Variants in KCNH7 observed in about 807,000 individuals in gnomAD.
KCNH7 encodes potassium voltage-gated channel subfamily H member 7.
KCNH7 carries 49 observed loss-of-function variants against 120.8 expected under a neutral mutation model. The ratio of observed to expected loss-of-function variants is 0.41; its 90% CI spans 0.32 to 0.51. KCNH7 has a LOEUF of 0.51. Ranked by LOEUF, KCNH7 falls within the 20% of genes least tolerant of loss-of-function variation. The pLI is 0.38. For missense variants in KCNH7, 1,097 were observed against 1,446.6 expected, an observed-to-expected ratio of 0.76 and a Z score of 3.92; for synonymous variants, 547 against 516.1, an observed-to-expected ratio of 1.06 and a Z score of -0.81.
chr2:162,701,547 A>G (rs1686499120), intron 2 of KCNH7, among the ~76,000 whole-genome samples: 1 of 152,186 alleles, frequency 6.6e-6, no homozygotes, highest in Non-Finnish European at 1.5e-5. Context: ...AAGGGAACAG[A>G]TATGACAGAA....
chr2:162,663,902 T>C (rs1178108576), intron 2 of KCNH7, among the ~76,000 whole-genome samples: 1 of 152,184 alleles, frequency 6.6e-6, no homozygotes, highest in Non-Finnish European at 1.5e-5. Flanking sequence ...TAAGAATCAC[T>C]GCCTTACTGC....
intron 2 of KCNH7, among the ~76,000 whole-genome samples, chr2:162,605,188 T>C (rs1283307117): frequency 2.6e-5 from 4 of 152,074 alleles, no homozygotes; most frequent in African/African-American, 7.2e-5. Context: ...TTAAGACAGA[T>C]TGAAAGTGTG....
intron 2 of KCNH7, among the ~76,000 whole-genome samples, chr2:162,752,232 G>A (rs1486076451): frequency 6.6e-6 from 1 of 151,956 alleles, no homozygotes; most frequent in Non-Finnish European, 1.5e-5. Flanking sequence ...TGGTTCAGTG[G>A]GTCCATTAAT....
At chr2:162,558,503 C>CCTTT (rs1553493184) in intron 2 of KCNH7, among the ~76,000 whole-genome samples, 2 of 80,696 alleles carry the variant, frequency 2.5e-5, no homozygotes, top group African/African-American at 9.7e-5. Context: ...TTCTCAATGG[C>CCTTT]TTTTTTTTTT....
chr2:162,563,267 A>C (rs1022448372), intron 2 of KCNH7, among the ~76,000 whole-genome samples: 1 of 152,140 alleles, frequency 6.6e-6, no homozygotes, highest in African/African-American at 2.4e-5. Flanking sequence ...GAAATCATAT[A>C]ATGGCTTATA....
At chr2:162,463,658 A>G (rs1463266632) in intron 6 of KCNH7, among the ~76,000 whole-genome samples, 1 of 151,972 alleles carries the variant, frequency 6.6e-6, no homozygotes, top group Non-Finnish European at 1.5e-5. Flanking sequence ...TATTTGAAAA[A>G]TTAATTTTTG....
intron 2 of KCNH7, among the ~76,000 whole-genome samples, chr2:162,776,168 C>T (rs1683228230): frequency 6.6e-6 from 1 of 152,126 alleles, no homozygotes; most frequent in South Asian, 2.1e-4. Context: ...TACTACATTC[C>T]ACATCCATTG....
chr2:162,577,318 T>TATCTATCTATCTATC (rs1559025306), intron 2 of KCNH7, among the ~76,000 whole-genome samples: 3 of 147,834 alleles, frequency 2.0e-5, no homozygotes, highest in African/African-American at 7.5e-5. Flanking sequence ...TCTATCTATC[T>TATCTATCTATCTATC]ATCTATCTAT....
At chr2:162,537,186 G>T in intron 2 of KCNH7, 106 bp from the exon 3 acceptor site, 1 of 769,542 alleles carries the variant, frequency 1.3e-6, no homozygotes, top group Non-Finnish European at 2.0e-6. Context: ...TATCTTAAAT[G>T]ATCACTGATA....
At chr2:162,675,767 G>A (rs1685512474) in intron 2 of KCNH7, among the ~76,000 whole-genome samples, 1 of 151,496 alleles carries the variant, frequency 6.6e-6, no homozygotes. Flanking sequence ...TACTTAAGCT[G>A]AGTAGTGGAT....
intron 6 of KCNH7, among the ~76,000 whole-genome samples, chr2:162,491,034 G>A (rs907887361): frequency 1.3e-5 from 2 of 151,852 alleles, no homozygotes; most frequent in Admixed American, 6.6e-5. Context: ...CAGTGACCAC[G>A]CAGGACAGGA....
At chr2:162,689,061 T>G (rs1686005510) in intron 2 of KCNH7, among the ~76,000 whole-genome samples, 1 of 152,076 alleles carries the variant, frequency 6.6e-6, no homozygotes. Flanking sequence ...ATCATACATC[T>G]TCAATAAATA....
chr2:162,633,185 A>C (rs1285220891), intron 2 of KCNH7, among the ~76,000 whole-genome samples: 4 of 151,868 alleles, frequency 2.6e-5, no homozygotes, highest in African/African-American at 9.7e-5. Context: ...TAGGTAACAC[A>C]CGGGGGTTTT....
At chr2:162,828,261 G>C (rs760669067) in intron 2 of KCNH7, among the ~76,000 whole-genome samples, 1 of 152,036 alleles carries the variant, frequency 6.6e-6, no homozygotes, top group Non-Finnish European at 1.5e-5. Flanking sequence ...TACAACATGT[G>C]ATCTTTTTTA....
chr2:162,374,812 C>CCATATAG (rs1190539583), intron 14 of KCNH7, among the ~76,000 whole-genome samples: 1 of 152,012 alleles, frequency 6.6e-6, no homozygotes, highest in Non-Finnish European at 1.5e-5. Context: ...GTAAATATAG[C>CCATATAG]CATATAGCTT....
At chr2:162,786,835 T>G (rs1258001988) in intron 2 of KCNH7, among the ~76,000 whole-genome samples, 1 of 152,186 alleles carries the variant, frequency 6.6e-6, no homozygotes, top group Non-Finnish European at 1.5e-5. Flanking sequence ...AATATCCATT[T>G]GAACAACCAT....
At chr2:162,829,195 C>A (rs1026933929) in intron 2 of KCNH7, among the ~76,000 whole-genome samples, 1 of 152,132 alleles carries the variant, frequency 6.6e-6, no homozygotes, top group Admixed American at 6.6e-5. Context: ...TGCCTTATAG[C>A]TACCTGACTC....
chr2:162,553,659 G>T (rs1692759459), intron 2 of KCNH7, among the ~76,000 whole-genome samples: 1 of 151,830 alleles, frequency 6.6e-6, no homozygotes. Flanking sequence ...AAAAAGAAAA[G>T]AAAAGAAAAG....
At chr2:162,660,736 C>T (rs992962597) in intron 2 of KCNH7, among the ~76,000 whole-genome samples, 1 of 152,134 alleles carries the variant, frequency 6.6e-6, no homozygotes, top group Admixed American at 6.5e-5. Flanking sequence ...ATTTTTTATA[C>T]ACTGTCAAAC....
Sources: gnomAD v4.1 joint callset for allele counts (sites outside exome capture counted in the v4.1 genomes callset) on GRCh38, gnomAD v4.1.1 for gene constraint, MANE v1.5 for transcripts, NCBI Gene and HGNC (gene_info 2026-07-23, HGNC 2026-07-21) for gene names.